ABCA12: variants seen among roughly 807,000 people sequenced by gnomAD.
ABCA12 encodes glucosylceramide transporter ABCA12.
In ABCA12, 156 loss-of-function variants were observed where a neutral mutation model predicts 293.5. The observed-to-expected ratio is 0.53, with a 90% CI of 0.47 to 0.61. ABCA12 has a LOEUF of 0.61. Among genes scored for constraint, ABCA12 ranks in the 20% least tolerant of loss-of-function variants. The pLI, the probability that ABCA12 is intolerant of heterozygous loss-of-function variation, is 0.00. For synonymous variants in ABCA12, 1,063 were observed against 1,108.0 expected, an observed-to-expected ratio of 0.96 and a Z score of 0.81; for missense variants, 2,797 against 3,090.2, an observed-to-expected ratio of 0.91 and a Z score of 2.25.
chr2:215,138,525 G>A lies in ABCA12; in HGVS notation c.-317C>T. 2.0e-5 allele frequency: 7 copies of A among 348,792 alleles called. No individual in the cohort carries two copies. The highest frequency in any genetic ancestry group is 2.2e-5 in the Non-Finnish European group (4 of 182,262). 21.6% of individuals were successfully genotyped at this position (348,792 alleles called of 1,614,324 possible). On this transcript the variant is annotated 5_prime_UTR_variant, in exon 1 of 53. Coordinates refer to ENST00000272895, the MANE Select transcript of ABCA12 (RefSeq NM_173076.3). Reference sequence around the variant, plus strand: ...CTTGTTGCACGAAGTCCAGACTCAAGAGAGAATGAGCATCATTCAGATAAT... The same window carrying A: ...CTTGTTGCACGAAGTCCAGACTCAAAAGAGAATGAGCATCATTCAGATAAT...
In ABCA12 at chr2:214,987,653, A is replaced by C; in HGVS notation, c.3970T>G (p.Ser1324Ala). Residue 1324 changes from serine (S) to alanine (A), a missense_variant, in exon 27 of 53, where the codon TCT (serine) becomes GCT (alanine). Ser to Ala is a moderately conservative substitution (Grantham distance 99). Transcript: ENST00000272895. ...TNIMMQNTNP[S>A]ASPEYMFSSN... ...GTTGACCGACTTGTCTTACTGGCAGATGGGTTGGTGTTCTGCATCATGATG... is the reference window on the plus strand; with the variant it reads ...GTTGACCGACTTGTCTTACTGGCAGCTGGGTTGGTGTTCTGCATCATGATG... The C allele has an allele frequency of 1.2e-6, 2 of 1,612,218 alleles. No individual in the cohort carries two copies. Among genetic ancestry groups the C allele is most frequent in the Non-Finnish European group, 1.7e-6 (2 of 1,178,540 alleles).
chr2:214,950,756 C>T (rs1698740680), intron 45 of ABCA12, 123 bp downstream of exon 45: 12 of 1,028,912 alleles, frequency 1.2e-5, no homozygotes, highest in South Asian at 5.4e-5. Flanking sequence ...CCACCCACCT[C>T]GGCCTCCCAA....
At chr2:215,081,371 T>TG (rs1408892540) in intron 2 of ABCA12, among the ~76,000 whole-genome samples, 2 of 148,280 alleles carry the variant, frequency 1.3e-5, no homozygotes, top group Non-Finnish European at 3.0e-5. Context: ...CCAGCTACTC[T>TG]GGGTGCTGAG....
rs532875844 is a variant in ABCA12, at chr2:215,048,967, A to T, written c.693+659T>A. 1.2e-4 allele frequency among the ~76,000 whole-genome samples: 19 copies of T among 152,282 alleles called. No homozygotes were observed. In the South Asian group the frequency reaches 3.7e-3, roughly 30 times the overall value. On this transcript the variant is annotated intron_variant, in intron 6 of 52. Transcript: ENST00000272895. ...AGCTACATGACGAGAACACGTGGAC[A>T]CAAAGAGGGAAACAACCGACACTGG...
intron 8 of ABCA12, among the ~76,000 whole-genome samples, chr2:215,033,659 A>C (rs1054686636): frequency 1.3e-5 from 2 of 152,152 alleles, no homozygotes; most frequent in African/African-American, 4.8e-5. Flanking sequence ...TTGTATTCAC[A>C]GGCCGGGCAC....
At position 214,948,704 on chromosome 2, in the gene ABCA12, T is replaced by C; in HGVS notation, c.6996A>G (p.Leu2332=). The C allele has an allele frequency of 1.9e-6, 3 of 1,614,108 alleles. No homozygotes were observed. The highest frequency in any genetic ancestry group is 2.5e-6 in the Non-Finnish European group (3 of 1,179,990). The change falls in exon 47 of 53, where the codon TTA becomes TTG. Residue 2332 remains leucine (L), a synonymous_variant. Transcript: ENST00000272895. ...SLGHVDSHSS[L]VGYCPQEDAL... Reference sequence around the variant, plus strand: ...CATCTTCCTGAGGACAGTAGCCAACTAATGAGCTGTGAGAATCAACGTGAC... The same window carrying C: ...CATCTTCCTGAGGACAGTAGCCAACCAATGAGCTGTGAGAATCAACGTGAC...
chr2:215,094,012 C>T (rs982585497), intron 2 of ABCA12, among the ~76,000 whole-genome samples: 3 of 152,174 alleles, frequency 2.0e-5, no homozygotes, highest in Non-Finnish European at 4.4e-5. Flanking sequence ...TAGTATCTTC[C>T]ATATCTATCG....
chr2:214,960,584 G>A (rs138946450), intron 39 of ABCA12: 25 of 152,176 alleles, frequency 1.6e-4, no homozygotes, highest in African/African-American at 5.8e-4. Flanking sequence ...CCAAAGTAGC[G>A]AGATTGGTCA....
chr2:215,026,485 A>C (rs756560534), intron 10 of ABCA12, among the ~76,000 whole-genome samples: 2 of 152,234 alleles, frequency 1.3e-5, no homozygotes, highest in Non-Finnish European at 2.9e-5. Flanking sequence ...TATTAAGAGC[A>C]TAGAAATGTC....
intron 24 of ABCA12, among the ~76,000 whole-genome samples, chr2:214,990,350 C>T (rs1199669125): frequency 6.6e-6 from 1 of 152,126 alleles, no homozygotes; most frequent in East Asian, 1.9e-4. Flanking sequence ...GAAAATTGTT[C>T]ACATATGAGA....
At chr2:214,984,402 G>C (rs1308692582) in intron 28 of ABCA12, among the ~76,000 whole-genome samples, 1 of 152,012 alleles carries the variant, frequency 6.6e-6, no homozygotes, top group South Asian at 2.1e-4. Context: ...AGCCATGATT[G>C]GGCTTTTAAA....
At chr2:214,954,312 CATT>C (rs1198047843) in intron 43 of ABCA12, among the ~76,000 whole-genome samples, 1 of 151,976 alleles carries the variant, frequency 6.6e-6, no homozygotes, top group African/African-American at 2.4e-5. Context: ...AGCAGAAAAT[CATT>C]ATATGAGGCC....
Position 215,077,904 on chromosome 2 carries a change from A to G in ABCA12, c.164-13685T>C, listed in dbSNP as rs145321776. ...TAATGCAACAGTTGTTCATAGCCTTATGGGAAGATCACACACAAAAAACGT... is the reference window on the plus strand; with the variant it reads ...TAATGCAACAGTTGTTCATAGCCTTGTGGGAAGATCACACACAAAAAACGT... On this transcript the variant is annotated intron_variant, in intron 2 of 52. Coordinates refer to ENST00000272895, the MANE Select transcript of ABCA12 (RefSeq NM_173076.3). Among the ~76,000 whole-genome samples the G allele has an allele frequency of 1.8e-3, 280 of 152,276 alleles. 1 individual carries two copies. Among genetic ancestry groups the G allele is most frequent in the African/African-American group, 6.2e-3 (259 of 41,570 alleles).
intron 11 of ABCA12, among the ~76,000 whole-genome samples, chr2:215,021,095 G>A (rs999705501): frequency 1.3e-5 from 2 of 152,158 alleles, no homozygotes; most frequent in Admixed American, 6.6e-5. Context: ...GCCATCTGCC[G>A]GCCTCAGCCT....
chr2:215,075,537 A>G lies in ABCA12; in HGVS notation c.164-11318T>C, dbSNP rs934623706. Reference sequence around the variant, plus strand: ...TGTGCAATCATAACCCTGTATCTTGAGTCAGTTTCCTCATTTATGCAGGAA... The same window carrying G: ...TGTGCAATCATAACCCTGTATCTTGGGTCAGTTTCCTCATTTATGCAGGAA... On this transcript the variant is annotated intron_variant, in intron 2 of 52. Coordinates refer to ENST00000272895, the MANE Select transcript of ABCA12 (RefSeq NM_173076.3). The G allele has an allele frequency of 5.7e-6, 4 of 697,278 alleles. No homozygotes were observed. In the African/African-American group the frequency reaches 7.1e-5, roughly 12 times the overall value. The allele number at this position is 697,278 out of a possible 1,614,324, so 43.2% of individuals were successfully genotyped here.
intron 40 of ABCA12, 139 bp downstream of exon 40, chr2:214,958,885 G>A: frequency 1.0e-6 from 1 of 972,118 alleles, no homozygotes; most frequent in Non-Finnish European, 1.7e-6. Context: ...AACTTCCTTT[G>A]ATCCCAGTCA....
In ABCA12 at chr2:214,972,701, C is replaced by T. The variant is rs114969222; in HGVS notation, c.5562+1248G>A. 6.0e-3 allele frequency among the ~76,000 whole-genome samples: 912 copies of T among 152,162 alleles called. 13 individuals carry two copies. The highest frequency in any genetic ancestry group is 0.021 in the African/African-American group (853 of 41,494). On this transcript the variant is annotated intron_variant, in intron 36 of 52. Coordinates refer to ENST00000272895, the MANE Select transcript of ABCA12 (RefSeq NM_173076.3). ...ACAGGCATGAGCCACTGCACCTGGC[C>T]TAGATTTTTCAGATTAATAAAAACT...
At chr2:215,030,880 CTGTT>C (rs1700863044) in intron 9 of ABCA12, among the ~76,000 whole-genome samples, 2 of 152,122 alleles carry the variant, frequency 1.3e-5, no homozygotes, top group Admixed American at 6.5e-5. Context: ...CTAAGTAATC[CTGTT>C]TGTTTTTTTA....
chr2:215,094,937 T>G (rs951647765), intron 2 of ABCA12, among the ~76,000 whole-genome samples: 3 of 152,144 alleles, frequency 2.0e-5, no homozygotes, highest in African/African-American at 7.2e-5. Flanking sequence ...CTCTTCTTCC[T>G]CTGTGGCTTC....
Sources: allele counts gnomAD v4.1 joint callset (sites outside exome capture counted in the v4.1 genomes callset), GRCh38; gene constraint gnomAD v4.1.1; transcripts MANE v1.5; gene names NCBI Gene and HGNC (gene_info 2026-07-23, HGNC 2026-07-21).